Variants in FUT8 observed in about 807,000 individuals in gnomAD.
FUT8 encodes alpha-(1,6)-fucosyltransferase.
A neutral mutation model predicts 71.3 loss-of-function variants in FUT8; 29 were observed. The ratio of observed to expected loss-of-function variants is 0.41; its 90% CI spans 0.30 to 0.55. The LOEUF is 0.55. Among genes scored for constraint, FUT8 ranks in the 20% least tolerant of loss-of-function variants. The pLI is 0.34. For synonymous variants in FUT8, 254 were observed against 239.3 expected (o/e 1.06, Z -0.57); for missense variants, 544 against 702.1 (o/e 0.77, Z 2.55).
rs116382515 is a variant in FUT8 at position 65,626,035 on chromosome 14, C to T, written c.483-3457C>T. 3.5e-3 allele frequency among the ~76,000 whole-genome samples: 530 copies of T among 152,226 alleles called. 2 individuals carry two copies. The highest frequency in any genetic ancestry group is 0.012 in the African/African-American group (503 of 41,522). ...TCTTAAGTGATTCCTTCTCATTGAT[C>T]AATCCCCCTTCTTCAGGGTGTTATA... On this transcript the variant is annotated intron_variant, in intron 5 of 10. Coordinates refer to ENST00000673929, the MANE Select transcript of FUT8 (RefSeq NM_001371533.1).
intron 2 of FUT8, among the ~76,000 whole-genome samples, chr14:65,466,312 G>A (rs568048250): frequency 5.9e-5 from 9 of 152,236 alleles, no homozygotes; most frequent in African/African-American, 2.2e-4. Context: ...AATGTCTACT[G>A]TATTTATAAC....
intron 5 of FUT8, among the ~76,000 whole-genome samples, chr14:65,626,871 TAAGCATGCCAG>T (rs1409365853): frequency 1.3e-5 from 2 of 152,216 alleles, no homozygotes; most frequent in Non-Finnish European, 2.9e-5. Context: ...TCCATAATCT[TAAGCATGCCAG>T]AGGAGTTAAT....
At chr14:65,417,252 A>T (rs1414197769) in intron 1 of FUT8, among the ~76,000 whole-genome samples, 6 of 152,208 alleles carry the variant, frequency 3.9e-5, no homozygotes, top group Admixed American at 6.5e-5. Context: ...TAAGATTTTT[A>T]AAAAATGGAT....
chr14:65,391,117 A>G, the FUT8 span, among the ~76,000 whole-genome samples: 3 of 152,174 alleles, frequency 2.0e-5, no homozygotes, highest in South Asian at 2.1e-4. Context: ...GAACAAGACC[A>G]TTTGTATCCT....
chr14:65,505,226 A>G (rs991969343), intron 2 of FUT8, among the ~76,000 whole-genome samples: 7 of 148,680 alleles, frequency 4.7e-5, no homozygotes, highest in African/African-American at 1.5e-4. Context: ...TTATTTCTTT[A>G]TCTCTTAGAA....
At chr14:65,370,308 C>T in the FUT8 span, among the ~76,000 whole-genome samples, 1 of 150,204 alleles carries the variant, frequency 6.7e-6, no homozygotes, top group East Asian at 2.0e-4. Flanking sequence ...CCCGGGTTCA[C>T]GCCATTCTCC....
chr14:65,528,678 G>A (rs1188411709), intron 2 of FUT8, among the ~76,000 whole-genome samples: 1 of 152,226 alleles, frequency 6.6e-6, no homozygotes, highest in East Asian at 1.9e-4. Flanking sequence ...CTCCTATTTG[G>A]CCATCTTGGA....
At chr14:65,737,578 C>G (rs898991738) in intron 10 of FUT8, among the ~76,000 whole-genome samples, 4 of 152,030 alleles carry the variant, frequency 2.6e-5, no homozygotes, top group Non-Finnish European at 5.9e-5. Flanking sequence ...TGTAGATAGG[C>G]ACAGTATCAG....
intron 6 of FUT8, among the ~76,000 whole-genome samples, chr14:65,664,111 T>C (rs1046045887): frequency 6.6e-6 from 1 of 152,104 alleles, no homozygotes; most frequent in African/African-American, 2.4e-5. Context: ...GAAGAAGATA[T>C]GAGGGACATT....
chr14:65,699,254 T>TCCTTTAGGCTGGGCTCTGC (rs1894165498), intron 7 of FUT8, among the ~76,000 whole-genome samples: 1 of 150,868 alleles, frequency 6.6e-6, no homozygotes, highest in African/African-American at 2.4e-5. Context: ...GGGAAACTAA[T>TCCTTTAGGCTGGGCTCTGC]CCTTTAGGCT....
chr14:65,386,077 AGGAGGC>A, the FUT8 span, among the ~76,000 whole-genome samples: 1 of 151,350 alleles, frequency 6.6e-6, no homozygotes, highest in Admixed American at 6.6e-5. Flanking sequence ...GCTTGAGCCC[AGGAGGC>A]GGAGGTTGCA....
At chr14:65,505,965 C>T (rs2066727187) in intron 2 of FUT8, among the ~76,000 whole-genome samples, 1 of 152,044 alleles carries the variant, frequency 6.6e-6, no homozygotes, top group African/African-American at 2.4e-5. Flanking sequence ...AAGATGTTAC[C>T]CTAGCTACTA....
intron 6 of FUT8, among the ~76,000 whole-genome samples, chr14:65,653,203 G>T (rs1891496051): frequency 6.6e-6 from 1 of 152,148 alleles, no homozygotes; most frequent in South Asian, 2.1e-4. Flanking sequence ...AAAGCATGTG[G>T]AACTGGAAAT....
chr14:65,591,766 G>A (rs1437417842), intron 3 of FUT8, among the ~76,000 whole-genome samples: 3 of 151,264 alleles, frequency 2.0e-5, no homozygotes, highest in Non-Finnish European at 2.9e-5. Flanking sequence ...CTGAAAATTA[G>A]TTGTTGCCTT....
intron 6 of FUT8, among the ~76,000 whole-genome samples, chr14:65,633,364 C>T (rs565683238): frequency 1.3e-4 from 19 of 151,858 alleles, no homozygotes; most frequent in South Asian, 4.2e-4. Flanking sequence ...GATCTCGGCT[C>T]GCTACAACCT....
intron 3 of FUT8, among the ~76,000 whole-genome samples, chr14:65,573,811 T>C (rs573419350): frequency 6.6e-6 from 1 of 152,310 alleles, no homozygotes; most frequent in Admixed American, 6.5e-5. Context: ...TTTAGGTTCA[T>C]TAGAACTATT....
chr14:65,721,469 A>G (rs962626663), intron 7 of FUT8, among the ~76,000 whole-genome samples: 8 of 152,162 alleles, frequency 5.3e-5, no homozygotes, highest in African/African-American at 1.2e-4. Flanking sequence ...GGCTGTGTCT[A>G]CTGTCATTCT....
At chr14:65,639,142 G>C (rs534166416) in intron 6 of FUT8, among the ~76,000 whole-genome samples, 1 of 152,040 alleles carries the variant, frequency 6.6e-6, no homozygotes, top group Admixed American at 6.5e-5. Context: ...AACAAGAAGT[G>C]GTAGTGGATA....
intron 3 of FUT8, among the ~76,000 whole-genome samples, chr14:65,579,283 C>T (rs764552475): frequency 2.0e-5 from 3 of 152,104 alleles, no homozygotes; most frequent in Non-Finnish European, 4.4e-5. Flanking sequence ...AGAATTAATT[C>T]AGGACAGTAT....
Sources: gnomAD v4.1 joint callset for allele counts (sites outside exome capture counted in the v4.1 genomes callset) on GRCh38, gnomAD v4.1.1 for gene constraint, MANE v1.5 for transcripts, NCBI Gene and HGNC (gene_info 2026-07-23, HGNC 2026-07-21) for gene names.